Variants in DSTYK observed in about 807,000 individuals in gnomAD.
DSTYK encodes the protein RIP-homologous kinase.
A neutral mutation model predicts 98.7 loss-of-function variants in DSTYK; 34 were observed. The observed-to-expected ratio is 0.34, with a 90% CI of 0.26 to 0.46. The LOEUF (loss-of-function observed/expected upper bound fraction) is 0.46, where lower values mean the gene tolerates loss of function less well. Among genes scored for constraint, DSTYK ranks in the 20% least tolerant of loss-of-function variants. The pLI is 1.00. For synonymous variants in DSTYK, 462 were observed against 457.3 expected, an observed-to-expected ratio of 1.01 and a Z score of -0.13; for missense variants, 962 against 1,181.7, an observed-to-expected ratio of 0.81 and a Z score of 2.73.
chr1:205,172,302 T>C (rs552506719), intron 2 of DSTYK, among the ~76,000 whole-genome samples: 1 of 138,326 alleles, frequency 7.2e-6, no homozygotes, highest in South Asian at 2.2e-4. Flanking sequence ...TTGTTTGTGG[T>C]TTTTTTTTTT....
chr1:205,171,179 C>T (rs1217975732), intron 2 of DSTYK, among the ~76,000 whole-genome samples: 1 of 152,006 alleles, frequency 6.6e-6, no homozygotes, highest in East Asian at 1.9e-4. Flanking sequence ...AAGCTCGGCG[C>T]AGTGGCTCAC....
Position 205,148,317 on chromosome 1 carries a change from A to G in DSTYK, c.2490T>C (p.Asp830=). 6.2e-7 allele frequency: 1 copy of G among 1,614,114 alleles called. No individual in the cohort carries two copies. The highest frequency in any genetic ancestry group is 1.6e-4 in the Middle Eastern group (1 of 6,062). ...LFTGKYDNSV[D]VYAFGILFWY... ...AGAAAAGAATTCCAAAAGCGTAGACATCCACGGAATTATCGTACTTCCCTG... is the reference window on the plus strand; with the variant it reads ...AGAAAAGAATTCCAAAAGCGTAGACGTCCACGGAATTATCGTACTTCCCTG... Residue 830 remains aspartate, a synonymous_variant, in exon 12 of 13, where the codon GAT becomes GAC. Coordinates refer to ENST00000367162, the MANE Select transcript of DSTYK (RefSeq NM_015375.3).
chr1:205,186,628 C>T lies in DSTYK; in HGVS notation c.654+790G>A, dbSNP rs1184358331. On this transcript the variant is annotated intron_variant, in intron 2 of 12. Transcript: ENST00000367162. ...GGCTGAATTATTTTATCCCTACCCA[C>T]TCCTGACCCTGCCATAGTCACATCC... is the stretch of plus-strand genomic sequence containing the variant. Among the ~76,000 whole-genome samples, 8 of 152,326 alleles carry T rather than the reference C, an allele frequency of 5.3e-5. No individual in the cohort carries two copies. The East Asian group carries it at 1.5e-3, about 29-fold the overall frequency.
intron 1 of DSTYK, among the ~76,000 whole-genome samples, chr1:205,192,205 A>G (rs1658732653): frequency 6.6e-6 from 1 of 152,148 alleles, no homozygotes; most frequent in African/African-American, 2.4e-5. Context: ...TCACAATTCT[A>G]CAAGACAAGG....
At chr1:205,185,635 C>A (rs1658539209) in intron 2 of DSTYK, among the ~76,000 whole-genome samples, 1 of 152,086 alleles carries the variant, frequency 6.6e-6, no homozygotes, top group South Asian at 2.1e-4. Context: ...TTGCAGAAAG[C>A]AAAAGTAATA....
At chr1:205,183,346 C>T (rs1425975065) in intron 2 of DSTYK, among the ~76,000 whole-genome samples, 4 of 152,164 alleles carry the variant, frequency 2.6e-5, no homozygotes, top group Admixed American at 6.5e-5. Context: ...AATGGCTTGA[C>T]GGTGTTCCTC....
intron 12 of DSTYK, among the ~76,000 whole-genome samples, 171 bp downstream of exon 12, chr1:205,148,034 T>C (rs1371121252): frequency 6.6e-6 from 1 of 152,240 alleles, no homozygotes; most frequent in Non-Finnish European, 1.5e-5. Context: ...GAGAGTTGAC[T>C]TGAAGCAAAG....
Position 205,211,506 on chromosome 1 carries a change from G to A in DSTYK, c.30C>T (p.Ser10=). Residue 10 remains serine, a synonymous_variant, in exon 1 of 13, where the codon AGC becomes AGT. Coordinates refer to ENST00000367162, the MANE Select transcript of DSTYK (RefSeq NM_015375.3). The stretch of plus-strand genomic sequence containing the variant: ...CGGGGCCGGGACCCGAGACGGGCTC[G>A]CTGCCCCATGGCACCCCGTCGCCCT... MEGDGVPWG[S]EPVSGPGPGG... 6.4e-7 allele frequency: 1 copy of A among 1,568,256 alleles called. No individual in the cohort carries two copies. Among genetic ancestry groups the A allele is most frequent in the Non-Finnish European group, 8.6e-7 (1 of 1,162,828 alleles).
chr1:205,153,704 T>TTG (rs1553360133), intron 10 of DSTYK, among the ~76,000 whole-genome samples: 2 of 74,516 alleles, frequency 2.7e-5, no homozygotes, highest in Admixed American at 1.4e-4. Flanking sequence ...AACTTACTTT[T>TTG]TGTGTGTGTG....
intron 1 of DSTYK, among the ~76,000 whole-genome samples, chr1:205,204,357 C>A (rs1367363470): frequency 6.6e-6 from 1 of 151,940 alleles, no homozygotes; most frequent in African/African-American, 2.4e-5. Flanking sequence ...CCTAAATCTG[C>A]CTCTAGCTCA....
In DSTYK at chr1:205,162,041, G is replaced by T; in HGVS notation, c.1813C>A (p.Arg605=). 3 of 1,613,092 alleles carry T rather than the reference G, an allele frequency of 1.9e-6. No individual in the cohort carries two copies. Among genetic ancestry groups the T allele is most frequent in the Non-Finnish European group, 2.5e-6 (3 of 1,179,344 alleles). The change falls in exon 6 of 13, where the codon CGG becomes AGG. Residue 605 remains arginine (R), a synonymous_variant. Transcript: ENST00000367162. ...SSHEAFAASL[R]QLEAGHSGRL... ...CTCCTTTCCTACATACCAACCTGCCGCAAGGAGGCTGCAAAAGCCTCGTGG... is the reference window on the plus strand; with the variant it reads ...CTCCTTTCCTACATACCAACCTGCCTCAAGGAGGCTGCAAAAGCCTCGTGG...
At chr1:205,199,031 G>A (rs1658950762) in intron 1 of DSTYK, among the ~76,000 whole-genome samples, 1 of 151,788 alleles carries the variant, frequency 6.6e-6, no homozygotes, top group African/African-American at 2.4e-5. Context: ...TAAAATAAGT[G>A]GAATTTTTTT....
At position 205,159,615 on chromosome 1, in the gene DSTYK, C is replaced by T; in HGVS notation, c.2170G>A (p.Gly724Ser). ...HGSVIDYNYGGGSSIAVLLIM... is the reference protein window; with the variant it reads ...HGSVIDYNYGSGSSIAVLLIM... The stretch of plus-strand genomic sequence containing the variant: ...AGGAGCACAGCAATGCTGGAGCCAC[C>T]ACCATAGTTGTAGTCAATGACTGAA... The change falls in exon 9 of 13, where the codon GGT becomes AGT. Residue 724 changes from glycine (G) to serine (S), a missense_variant. By Grantham distance (56) the Gly-to-Ser change is moderately conservative. This residue lies in a region of DSTYK where 660 missense variants were observed against 855.0 expected (regional missense o/e 0.77). Transcript: ENST00000367162. The T allele has an allele frequency of 6.2e-7, 1 of 1,613,820 alleles. No individual in the cohort carries two copies. The highest frequency in any genetic ancestry group is 8.5e-7 in the Non-Finnish European group (1 of 1,179,976).
chr1:205,203,536 T>C (rs1386083483), intron 1 of DSTYK, among the ~76,000 whole-genome samples: 1 of 9,770 alleles, frequency 1.0e-4, no homozygotes, highest in South Asian at 6.3e-3. Context: ...AGGGGAGGGG[T>C]ACGGTAGGGA....
chr1:205,159,946 G>A, intron 8 of DSTYK, 168 bp downstream of exon 8: 2 of 878,500 alleles, frequency 2.3e-6, no homozygotes, highest in South Asian at 1.6e-5. Flanking sequence ...GGATGGTGGG[G>A]AAAGAGCAAG....
intron 2 of DSTYK, among the ~76,000 whole-genome samples, chr1:205,182,001 C>T (rs1022580837): frequency 1.3e-5 from 2 of 151,914 alleles, no homozygotes; most frequent in South Asian, 4.2e-4. Flanking sequence ...ATTTTAAGAT[C>T]CTTTATAATG....
intron 2 of DSTYK, among the ~76,000 whole-genome samples, chr1:205,185,823 G>A (rs2102447914): frequency 6.6e-6 from 1 of 151,956 alleles, no homozygotes; most frequent in East Asian, 1.9e-4. Flanking sequence ...AGGAGTTCTA[G>A]GCCACCCTGG....
intron 1 of DSTYK, chr1:205,202,600 C>A: frequency 9.2e-7 from 1 of 1,088,446 alleles, no homozygotes; most frequent in Non-Finnish European, 1.4e-6. Flanking sequence ...TCGGATTAAC[C>A]CATACGTGAG....
intron 1 of DSTYK, among the ~76,000 whole-genome samples, chr1:205,191,783 G>A (rs1658721032): frequency 6.6e-6 from 1 of 152,184 alleles, no homozygotes; most frequent in South Asian, 2.1e-4. Context: ...CAGTAGGAGG[G>A]AGGAAGAAAA....
Sources: gnomAD v4.1 joint callset for allele counts (sites outside exome capture counted in the v4.1 genomes callset) on GRCh38, gnomAD v4.1.1 for gene constraint, gnomAD v4.1.1 regional missense constraint, MANE v1.5 for transcripts, NCBI Gene and HGNC (gene_info 2026-07-23, HGNC 2026-07-21) for gene names.